The following PLXNA4 variants were observed in gnomAD, a reference collection of about 807,000 sequenced individuals.
PLXNA4 encodes plexin-A4.
A neutral mutation model predicts 191.8 loss-of-function variants in PLXNA4; 44 were observed. The observed-to-expected ratio is 0.23, with a 90% CI of 0.18 to 0.29. The LOEUF is 0.29. PLXNA4 is among the 10% of genes least tolerant of loss of function. The probability of loss-of-function intolerance (pLI) is 1.00; values close to 1 mark genes in which losing one functional copy is unlikely to be tolerated. For missense variants in PLXNA4, 1,800 were observed against 2,488.8 expected, an observed-to-expected ratio of 0.72 and a Z score of 5.89; for synonymous variants, 1,082 against 1,009.5, an observed-to-expected ratio of 1.07 and a Z score of -1.36.
intron 5 of PLXNA4, among the ~76,000 whole-genome samples, chr7:132,234,254 A>G (rs963455292): frequency 2.0e-5 from 3 of 152,212 alleles, no homozygotes; most frequent in Non-Finnish European, 2.9e-5. Flanking sequence ...CATCAACTTT[A>G]CACTATACTT....
intron 2 of PLXNA4, among the ~76,000 whole-genome samples, chr7:132,593,732 G>C (rs748358500): frequency 1.3e-5 from 2 of 152,232 alleles, no homozygotes; most frequent in East Asian, 3.9e-4. Context: ...ACAGGAGAAA[G>C]AGGGTCTGCC....
Position 132,352,948 on chromosome 7 carries a change from G to C in PLXNA4, c.1372-54726C>G, listed in dbSNP as rs988557828. On this transcript the variant is annotated intron_variant, in intron 3 of 31. Transcript: ENST00000321063. ...AATATCTTGGTACAGAGACAAGTAT[G>C]TATGAAATATCACTTCCCAAAATAT... Among the ~76,000 whole-genome samples the C allele has an allele frequency of 2.0e-4, 30 of 152,160 alleles. 1 individual carries two copies. The highest frequency in any genetic ancestry group is 7.2e-4 in the African/African-American group (30 of 41,520).
intron 5 of PLXNA4, among the ~76,000 whole-genome samples, chr7:132,233,735 C>A (rs1007422827): frequency 6.6e-5 from 10 of 152,238 alleles, no homozygotes; most frequent in African/African-American, 1.4e-4. Flanking sequence ...ACCAAGGCAA[C>A]CTGTCCCACC....
At chr7:132,431,968 T>C (rs1795279959) in intron 3 of PLXNA4, among the ~76,000 whole-genome samples, 1 of 152,120 alleles carries the variant, frequency 6.6e-6, no homozygotes, top group Non-Finnish European at 1.5e-5. Flanking sequence ...TAGGTGGAAG[T>C]GGTTTTAACC....
intron 3 of PLXNA4, among the ~76,000 whole-genome samples, chr7:132,316,430 C>G (rs1428224981): frequency 6.6e-6 from 1 of 152,210 alleles, no homozygotes; most frequent in Non-Finnish European, 1.5e-5. Context: ...CATTTTAGCA[C>G]TTTACGGATC....
intron 1 of PLXNA4, among the ~76,000 whole-genome samples, chr7:132,563,447 CCTCCTCCTCCTT>C: frequency 9.2e-6 from 1 of 108,128 alleles, no homozygotes; most frequent in African/African-American, 3.7e-5. Context: ...TCCTCTTCCT[CCTCCTCCTCCTT>C]CTCCTCCTCC....
At chr7:132,631,304 C>T (rs959318844) in intron 2 of PLXNA4, among the ~76,000 whole-genome samples, 1 of 152,188 alleles carries the variant, frequency 6.6e-6, no homozygotes, top group Non-Finnish European at 1.5e-5. Flanking sequence ...CCATGAGACA[C>T]ATACAGTTTA....
intron 3 of PLXNA4, among the ~76,000 whole-genome samples, chr7:132,449,675 C>G (rs1299853266): frequency 1.3e-5 from 2 of 152,254 alleles, no homozygotes; most frequent in African/African-American, 4.8e-5. Context: ...ATGCTTCTCT[C>G]TTTCCTGACA....
chr7:132,534,815 C>CAGGT (rs1799765959), intron 1 of PLXNA4, among the ~76,000 whole-genome samples: 1 of 152,222 alleles, frequency 6.6e-6, no homozygotes. Context: ...ATGGATCTTA[C>CAGGT]AGGTGCCTGA....
At chr7:132,525,697 G>A (rs1158032657) in intron 1 of PLXNA4, among the ~76,000 whole-genome samples, 1 of 152,124 alleles carries the variant, frequency 6.6e-6, no homozygotes, top group African/African-American at 2.4e-5. Context: ...GTGAAAACAT[G>A]TCCCTTTCAC....
chr7:132,185,695 G>T (rs531248275), intron 15 of PLXNA4, among the ~76,000 whole-genome samples: 6 of 152,322 alleles, frequency 3.9e-5, no homozygotes, highest in Middle Eastern at 3.4e-3. Context: ...TCTGTCTTTG[G>T]CCTGTCTAGC....
At chr7:132,262,580 A>G (rs145862449) in intron 4 of PLXNA4, among the ~76,000 whole-genome samples, 1 of 152,268 alleles carries the variant, frequency 6.6e-6, no homozygotes, top group African/African-American at 2.4e-5. Flanking sequence ...CTCCCAGCCC[A>G]CTTACTAGGA....
rs529220768 is a variant in PLXNA4 at position 132,125,948 on chromosome 7, G to C, written c.*4531C>G. 5 of 152,354 alleles carry C rather than the reference G, an allele frequency of 3.3e-5. No individual in the cohort carries two copies. The highest frequency in any genetic ancestry group is 7.3e-5 in the Non-Finnish European group (5 of 68,214). 9.4% of individuals were successfully genotyped at this position (152,354 alleles called of 1,614,324 possible). ...CTTCTCTGGGCCTTGTGCCTGCAGAGCACCTTCCTACCTATGTCTGTCTGT... is the reference window on the plus strand; with the variant it reads ...CTTCTCTGGGCCTTGTGCCTGCAGACCACCTTCCTACCTATGTCTGTCTGT... On this transcript the variant is annotated 3_prime_UTR_variant, in exon 32 of 32. Transcript: ENST00000321063.
intron 3 of PLXNA4, among the ~76,000 whole-genome samples, chr7:132,440,477 A>G (rs1795655970): frequency 6.6e-6 from 1 of 152,234 alleles, no homozygotes; most frequent in Non-Finnish European, 1.5e-5. Context: ...GGCAGAGGAT[A>G]GCAATTTCAT....
intron 1 of PLXNA4, among the ~76,000 whole-genome samples, chr7:132,564,604 T>A (rs944286250): frequency 3.9e-5 from 6 of 152,194 alleles, no homozygotes; most frequent in Non-Finnish European, 5.9e-5. Context: ...AGGTCTTTCA[T>A]CTCCACACAA....
intron 3 of PLXNA4, among the ~76,000 whole-genome samples, chr7:132,378,488 C>T (rs923930899): frequency 2.6e-5 from 4 of 152,134 alleles, no homozygotes; most frequent in Non-Finnish European, 4.4e-5. Context: ...GGGTTGTCAC[C>T]TCTCCCCTAG....
At chr7:132,195,914 T>G (rs1044363368) in intron 13 of PLXNA4, among the ~76,000 whole-genome samples, 4 of 152,254 alleles carry the variant, frequency 2.6e-5, no homozygotes, top group Non-Finnish European at 5.9e-5. Flanking sequence ...GTTCTTTAAC[T>G]TTACGGCTTC....
At chr7:132,408,591 G>A (rs764019976) in intron 3 of PLXNA4, among the ~76,000 whole-genome samples, 1 of 152,084 alleles carries the variant, frequency 6.6e-6, no homozygotes, top group South Asian at 2.1e-4. Flanking sequence ...AGCCTCATGA[G>A]TAGCTGGGAC....
At chr7:132,416,110 G>C (rs1254612224) in intron 3 of PLXNA4, among the ~76,000 whole-genome samples, 1 of 152,200 alleles carries the variant, frequency 6.6e-6, no homozygotes, top group Non-Finnish European at 1.5e-5. Flanking sequence ...GACTAGTGCA[G>C]ATATGAATAT....
Sources: gnomAD v4.1 joint callset for allele counts (sites outside exome capture counted in the v4.1 genomes callset) on GRCh38, gnomAD v4.1.1 for gene constraint, MANE v1.5 for transcripts, NCBI Gene and HGNC (gene_info 2026-07-23, HGNC 2026-07-21) for gene names.